The following GSK3B variants were observed in gnomAD, a reference collection of about 807,000 sequenced individuals.
GSK3B encodes glycogen synthase kinase-3 beta.
GSK3B carries 15 observed loss-of-function variants against 56.4 expected under a neutral mutation model. The observed-to-expected ratio is 0.27, with a 90% CI of 0.18 to 0.41. The LOEUF (loss-of-function observed/expected upper bound fraction) is 0.41. GSK3B is among the 10% of genes least tolerant of loss of function. The pLI is 1.00. For synonymous variants in GSK3B, 181 were observed against 188.9 expected (o/e 0.96, Z 0.34); for missense variants, 300 against 513.4 (o/e 0.58, Z 4.02).
chr3:119,827,605 AAAAAG>A (rs1157108234), intron 10 of GSK3B, among the ~76,000 whole-genome samples: 10 of 144,844 alleles, frequency 6.9e-5, no homozygotes, highest in African/African-American at 2.0e-4. Context: ...AAAAAAAAAA[AAAAAG>A]AGAGAGAGAG....
At chr3:119,845,609 T>G (rs1348067591) in intron 9 of GSK3B, among the ~76,000 whole-genome samples, 1 of 152,190 alleles carries the variant, frequency 6.6e-6, no homozygotes, top group African/African-American at 2.4e-5. Context: ...ACAAGGGATG[T>G]GAAGGATCTC....
chr3:119,839,779 G>C (rs1195131690), intron 10 of GSK3B, among the ~76,000 whole-genome samples: 1 of 152,094 alleles, frequency 6.6e-6, no homozygotes, highest in Non-Finnish European at 1.5e-5. Flanking sequence ...TCTAAGATAC[G>C]AATCATTTTG....
intron 4 of GSK3B, among the ~76,000 whole-genome samples, chr3:119,922,228 GGGAAGGAAGGAAGGAA>G (rs539984482): frequency 2.3e-4 from 14 of 61,490 alleles, no homozygotes; most frequent in Admixed American, 4.2e-4. Flanking sequence ...GAAGGAAGGA[GGGAAGGAAGGAAGGAA>G]GGAAGGAAGG....
rs3835183 is a variant in GSK3B at position 119,824,329 on chromosome 3, G to GCACA, written c.*2455_*2458dup. 1.2e-4 allele frequency: 26 copies of GCACA among 213,456 alleles called. No homozygotes were observed. The highest frequency in any genetic ancestry group is 2.1e-4 in the East Asian group (3 of 14,300). 13.2% of individuals were successfully genotyped at this position (213,456 alleles called of 1,614,324 possible). A position where few individuals can be genotyped will look rare whatever the true frequency, so the allele number is the denominator to read the frequency against. ...TGAGAAAGAAAAATCACACATCTCA[G>GCACA]CACACACACACACACACACACACGC... On this transcript the variant is annotated 3_prime_UTR_variant, in exon 11 of 11. Transcript: ENST00000264235.
Position 120,025,903 on chromosome 3 carries a change from G to T in GSK3B, c.89-23664C>A, listed in dbSNP as rs375543150. Among the ~76,000 whole-genome samples, 87 of 152,226 alleles carry T rather than the reference G, an allele frequency of 5.7e-4. 1 individual carries two copies. In the South Asian group the frequency reaches 0.018, roughly 31 times the overall value. On this transcript the variant is annotated intron_variant, in intron 1 of 10. Coordinates refer to ENST00000264235, the MANE Select transcript of GSK3B (RefSeq NM_001146156.2). ...GGAAGTCAAGCAATGTCCTTTTTAGGCCTTAGTTTCCCTATCTGTACACTG... is the reference window on the plus strand; with the variant it reads ...GGAAGTCAAGCAATGTCCTTTTTAGTCCTTAGTTTCCCTATCTGTACACTG...
intron 6 of GSK3B, among the ~76,000 whole-genome samples, chr3:119,906,432 A>C (rs150326317): frequency 2.6e-3 from 396 of 152,246 alleles, no homozygotes; most frequent in African/African-American, 8.4e-3. Context: ...AAATTATAAA[A>C]ATAATCCACT....
At chr3:119,838,584 T>A (rs2055727314) in intron 10 of GSK3B, among the ~76,000 whole-genome samples, 1 of 152,156 alleles carries the variant, frequency 6.6e-6, no homozygotes, top group Non-Finnish European at 1.5e-5. Context: ...CTACATAAAT[T>A]AGGATGAGTA....
chr3:119,914,454 C>T (rs2056763161), intron 5 of GSK3B, among the ~76,000 whole-genome samples: 1 of 152,040 alleles, frequency 6.6e-6, no homozygotes, highest in Non-Finnish European at 1.5e-5. Context: ...AGAACAGAAG[C>T]TCTTCTAACC....
At chr3:120,025,026 T>C (rs1272110822) in intron 1 of GSK3B, among the ~76,000 whole-genome samples, 1 of 152,172 alleles carries the variant, frequency 6.6e-6, no homozygotes, top group Non-Finnish European at 1.5e-5. Flanking sequence ...GCAGGCAGTG[T>C]GTGTCAGGAG....
intron 2 of GSK3B, among the ~76,000 whole-genome samples, chr3:119,991,604 C>T (rs2057566212): frequency 6.6e-6 from 1 of 151,100 alleles, no homozygotes; most frequent in Non-Finnish European, 1.5e-5. Flanking sequence ...CTATTTCAAC[C>T]TTCTGCTGGA....
chr3:120,002,172 T>C lies in GSK3B; in HGVS notation c.156A>G (p.Gln52=), dbSNP rs904718261. ...CTTTAGTGTCTGTATAGCTGACTTC[T>C]TGTGGCCTGTCTGGACCCTGCCCAG... ...ATPGQGPDRP[Q]EVSYTDTKVI... The change falls in exon 2 of 11, where the codon CAA becomes CAG. Residue 52 remains glutamine, a synonymous_variant. Coordinates refer to ENST00000264235, the MANE Select transcript of GSK3B (RefSeq NM_001146156.2). The C allele has an allele frequency of 2.5e-6, 4 of 1,610,894 alleles. No individual in the cohort carries two copies. Among genetic ancestry groups the C allele is most frequent in the Non-Finnish European group, 3.4e-6 (4 of 1,178,552 alleles).
rs577909669 is a variant in GSK3B, at chr3:119,827,060, C to T, written c.1196-205G>A. Reference sequence around the variant, plus strand: ...TCATGCCTCAGCATGGTCCTGGTACCGGGAAGACAGTGTCTTTGAATAAGT... The same window carrying T: ...TCATGCCTCAGCATGGTCCTGGTACTGGGAAGACAGTGTCTTTGAATAAGT... On this transcript the variant is annotated intron_variant, in intron 10 of 10. Transcript: ENST00000264235. Among the ~76,000 whole-genome samples, 5 of 152,262 alleles carry T rather than the reference C, an allele frequency of 3.3e-5. No homozygotes were observed. The South Asian group carries it at 6.2e-4, about 19-fold the overall frequency.
At chr3:119,898,927 C>A (rs529807575) in intron 7 of GSK3B, among the ~76,000 whole-genome samples, 5 of 152,222 alleles carry the variant, frequency 3.3e-5, no homozygotes, top group African/African-American at 1.2e-4. Context: ...CTACACTTAT[C>A]CTTCTTGTTG....
At chr3:119,922,369 T>C (rs533802891) in intron 4 of GSK3B, among the ~76,000 whole-genome samples, 83 of 148,024 alleles carry the variant, frequency 5.6e-4, no homozygotes, top group African/African-American at 1.5e-3. Context: ...ACACTACATA[T>C]AGTATAGTTT....
intron 9 of GSK3B, among the ~76,000 whole-genome samples, chr3:119,855,488 C>T (rs2056006476): frequency 6.6e-6 from 1 of 152,130 alleles, no homozygotes; most frequent in Non-Finnish European, 1.5e-5. Flanking sequence ...GGTGTATACC[C>T]AAAGGATTAC....
chr3:120,031,939 CAAT>C (rs1421859438), intron 1 of GSK3B, among the ~76,000 whole-genome samples: 1 of 152,162 alleles, frequency 6.6e-6, no homozygotes, highest in African/African-American at 2.4e-5. Flanking sequence ...TTCCAGACTA[CAAT>C]GATTACTCCT....
At chr3:119,950,823 T>C (rs931252228) in intron 2 of GSK3B, among the ~76,000 whole-genome samples, 20 of 152,186 alleles carry the variant, frequency 1.3e-4, no homozygotes, top group Admixed American at 1.0e-3. Context: ...AAAATGGCCT[T>C]CTTTGCCAAG....
At chr3:119,877,580 G>A (rs1020493675) in intron 7 of GSK3B, among the ~76,000 whole-genome samples, 4 of 152,126 alleles carry the variant, frequency 2.6e-5, no homozygotes, top group Non-Finnish European at 4.4e-5. Context: ...CGATATATCA[G>A]GCAAAGTTTA....
At chr3:119,930,973 G>A (rs2056940121) in intron 3 of GSK3B, among the ~76,000 whole-genome samples, 1 of 152,200 alleles carries the variant, frequency 6.6e-6, no homozygotes, top group Non-Finnish European at 1.5e-5. Flanking sequence ...ACTACACTAT[G>A]AGAAATATGA....
Sources: gnomAD v4.1 joint callset for allele counts (sites outside exome capture counted in the v4.1 genomes callset) on GRCh38, gnomAD v4.1.1 for gene constraint, MANE v1.5 for transcripts, NCBI Gene and HGNC (gene_info 2026-07-23, HGNC 2026-07-21) for gene names.